The following HNF4A variants were observed in gnomAD, a reference collection of about 807,000 sequenced individuals.
HNF4A encodes the protein hepatocyte nuclear factor 4 alpha.
HNF4A carries 15 observed loss-of-function variants against 52.4 expected under a neutral mutation model. The ratio of observed to expected loss-of-function variants is 0.29; its 90% confidence interval spans 0.19 to 0.44. The LOEUF is 0.44. Among genes scored for constraint, HNF4A ranks in the 20% least tolerant of loss-of-function variants. The pLI is 1.00. For missense variants in HNF4A, 479 were observed against 647.2 expected (o/e 0.74, Z 2.82); for synonymous variants, 280 against 264.4 (o/e 1.06, Z -0.57).
At chr20:44,359,083 G>A (rs1166621750) in intron 1 of HNF4A, among the ~76,000 whole-genome samples, 1 of 152,156 alleles carries the variant, frequency 6.6e-6, no homozygotes. Context: ...TCTGGGACCT[G>A]GGTAGTTTGT....
At chr20:44,426,512 T>G (rs1030310922) in intron 8 of HNF4A, among the ~76,000 whole-genome samples, 1 of 151,788 alleles carries the variant, frequency 6.6e-6, no homozygotes, top group Non-Finnish European at 1.5e-5. Context: ...CAAAAAGAAA[T>G]AAAGATAGAG....
chr20:44,390,721 A>G, intron 1 of HNF4A: 1 of 698,298 alleles, frequency 1.4e-6, no homozygotes, highest in Non-Finnish European at 2.6e-6. Flanking sequence ...GAAGGATGGG[A>G]TGGTAGGAGA....
At chr20:44,398,910 C>A (rs1004830100), upstream of HNF4A, among the ~76,000 whole-genome samples, 1 of 152,236 alleles carries the variant, frequency 6.6e-6, no homozygotes, top group African/African-American at 2.4e-5. Context: ...CCCCGTTAAG[C>A]AATGTGGAAC....
upstream of HNF4A, among the ~76,000 whole-genome samples, chr20:44,397,197 G>C (rs1332613669): frequency 6.6e-6 from 1 of 152,108 alleles, no homozygotes; most frequent in African/African-American, 2.4e-5. Context: ...TGTGACATTT[G>C]CTCTGTGACT....
chr20:44,405,227 T>C (rs2063484005), intron 1 of HNF4A, among the ~76,000 whole-genome samples: 1 of 152,160 alleles, frequency 6.6e-6, no homozygotes, highest in African/African-American at 2.4e-5. Context: ...TGCTGACAAA[T>C]AAAGGGGGTT....
chr20:44,394,400 A>T (rs1304320341), intron 1 of HNF4A, among the ~76,000 whole-genome samples: 2 of 152,042 alleles, frequency 1.3e-5, no homozygotes, highest in Admixed American at 1.3e-4. Flanking sequence ...CTCAAATAAA[A>T]TATTAAGACT....
chr20:44,369,745 C>CA (rs1239685027), intron 1 of HNF4A, among the ~76,000 whole-genome samples: 1 of 152,172 alleles, frequency 6.6e-6, no homozygotes, highest in African/African-American at 2.4e-5. Flanking sequence ...TGGCTCACTG[C>CA]AACCTCCGCC....
At chr20:44,396,033 G>T (rs1432180136) in intron 1 of HNF4A, among the ~76,000 whole-genome samples, 5 of 152,172 alleles carry the variant, frequency 3.3e-5, no homozygotes, top group Non-Finnish European at 7.3e-5. Context: ...GACTGAGGCA[G>T]TGAAACCACC....
chr20:44,386,871 A>C (rs1011747701), intron 1 of HNF4A, among the ~76,000 whole-genome samples: 1 of 152,192 alleles, frequency 6.6e-6, no homozygotes, highest in Admixed American at 6.5e-5. Flanking sequence ...TATTTTCCAA[A>C]ATTTCTACTA....
chr20:44,388,131 C>T (rs2063254576), intron 1 of HNF4A, among the ~76,000 whole-genome samples: 1 of 151,748 alleles, frequency 6.6e-6, no homozygotes, highest in African/African-American at 2.4e-5. Flanking sequence ...CTCTATCACC[C>T]AGGCTGGAGT....
intron 7 of HNF4A, among the ~76,000 whole-genome samples, chr20:44,421,249 C>T (rs2063740592): frequency 6.6e-6 from 1 of 152,186 alleles, no homozygotes; most frequent in Non-Finnish European, 1.5e-5. Flanking sequence ...CTTGGCTCTC[C>T]TCTCCCCATT....
chr20:44,388,297 C>T (rs981837514), intron 1 of HNF4A, among the ~76,000 whole-genome samples: 3 of 147,660 alleles, frequency 2.0e-5, no homozygotes, highest in Admixed American at 6.8e-5. Flanking sequence ...ATAGTAATAT[C>T]ATTATACATG....
chr20:44,378,904 G>A (rs751307647), intron 1 of HNF4A, among the ~76,000 whole-genome samples: 1 of 129,408 alleles, frequency 7.7e-6, no homozygotes, highest in Non-Finnish European at 1.6e-5. Flanking sequence ...GGGCCACAGA[G>A]AGAGACCCCG....
chr20:44,368,917 A>C (rs1218857096), intron 1 of HNF4A, among the ~76,000 whole-genome samples: 2 of 152,162 alleles, frequency 1.3e-5, no homozygotes, highest in Non-Finnish European at 2.9e-5. Context: ...AGAAGTCTTG[A>C]TTTCTTGAGA....
At chr20:44,368,158 A>ATTTTTTTTT (rs1477714904) in intron 1 of HNF4A, among the ~76,000 whole-genome samples, 6 of 13,218 alleles carry the variant, frequency 4.5e-4, no homozygotes, top group Non-Finnish European at 5.3e-4. Flanking sequence ...ATATATATAT[A>ATTTTTTTTT]TATTTTTTTT....
chr20:44,429,761 C>T lies in HNF4A; in HGVS notation c.*96C>T. The T allele has an allele frequency of 7.8e-7, 1 of 1,275,324 alleles. No homozygotes were observed. 79.0% of individuals were successfully genotyped at this position (1,275,324 alleles called of 1,614,324 possible). Reference sequence around the variant, plus strand: ...GTCACGGCAAAGGAAGACGTGATGCCAGGACCAGTCCCAGAGCAGGAATGG... The same window carrying T: ...GTCACGGCAAAGGAAGACGTGATGCTAGGACCAGTCCCAGAGCAGGAATGG... On this transcript the variant is annotated 3_prime_UTR_variant, in exon 10 of 10. Coordinates refer to ENST00000316099, the MANE Select transcript of HNF4A (RefSeq NM_000457.6).
At chr20:44,421,273 T>C (rs762651340) in intron 7 of HNF4A, among the ~76,000 whole-genome samples, 5 of 152,200 alleles carry the variant, frequency 3.3e-5, no homozygotes, top group Non-Finnish European at 7.3e-5. Context: ...TCCACTGACT[T>C]TTGCACCTGC....
At chr20:44,362,312 C>T (rs1184023961) in intron 1 of HNF4A, among the ~76,000 whole-genome samples, 2 of 150,884 alleles carry the variant, frequency 1.3e-5, no homozygotes, top group South Asian at 2.1e-4. Flanking sequence ...CCCAGCTACT[C>T]GGGAGGCTGA....
chr20:44,401,940 C>T (rs539822377), intron 1 of HNF4A, among the ~76,000 whole-genome samples: 3 of 152,254 alleles, frequency 2.0e-5, no homozygotes, highest in South Asian at 4.2e-4. Flanking sequence ...CCGCATTTCT[C>T]GGTGTCTTTG....
Sources: allele counts gnomAD v4.1 joint callset (sites outside exome capture counted in the v4.1 genomes callset), GRCh38; gene constraint gnomAD v4.1.1; transcripts MANE v1.5; gene names NCBI Gene and HGNC (gene_info 2026-07-23, HGNC 2026-07-21).